Variants in SLC24A3 observed in about 807,000 individuals in gnomAD.
SLC24A3 encodes solute carrier family 24 member 3.
In SLC24A3, 28 loss-of-function variants were observed where a neutral mutation model predicts 75.8. The observed-to-expected ratio is 0.37, with a 90% CI of 0.27 to 0.51. SLC24A3 has a LOEUF of 0.51. Ranked by LOEUF, SLC24A3 falls within the 20% of genes least tolerant of loss-of-function variation. The pLI is 0.94. For synonymous variants in SLC24A3, 372 were observed against 334.1 expected (o/e 1.11, Z -1.24); for missense variants, 663 against 847.8 (o/e 0.78, Z 2.71).
At chr20:19,493,841 C>A (rs150103372) in intron 2 of SLC24A3, among the ~76,000 whole-genome samples, 64 of 152,308 alleles carry the variant, frequency 4.2e-4, no homozygotes, top group African/African-American at 1.5e-3. Context: ...ATGAGGCAGA[C>A]TTTCTAGGGT....
chr20:19,463,951 C>T (rs903273243), intron 2 of SLC24A3, among the ~76,000 whole-genome samples: 5 of 152,166 alleles, frequency 3.3e-5, no homozygotes, highest in Non-Finnish European at 5.9e-5. Flanking sequence ...CTCTTAAAGC[C>T]CTGTTGAAAA....
At position 19,346,342 on chromosome 20, in the gene SLC24A3, A is replaced by G. The variant is rs200231679; in HGVS notation, c.271+65255A>G. Among the ~76,000 whole-genome samples, 123 of 53,322 alleles carry G rather than the reference A, an allele frequency of 2.3e-3. 1 individual carries two copies. Among genetic ancestry groups the G allele is most frequent in the African/African-American group, 3.9e-3 (38 of 9,662 alleles). 35.0% of individuals were successfully genotyped at this position (53,322 alleles called of 152,430 possible). ...GTATATATATATGGTGTATATATAT[A>G]TGGTATATATATGGTGTATATATAT... On this transcript the variant is annotated intron_variant, in intron 2 of 16. Coordinates refer to ENST00000328041, the MANE Select transcript of SLC24A3 (RefSeq NM_020689.4).
chr20:19,462,252 G>A (rs908098454), intron 2 of SLC24A3, among the ~76,000 whole-genome samples: 7 of 151,670 alleles, frequency 4.6e-5, no homozygotes, highest in Non-Finnish European at 1.0e-4. Flanking sequence ...TGGGTGTGGG[G>A]AGGCAGATGG....
At chr20:19,665,115 T>G (rs1452939970) in intron 7 of SLC24A3, among the ~76,000 whole-genome samples, 2 of 152,222 alleles carry the variant, frequency 1.3e-5, no homozygotes, top group South Asian at 2.1e-4. Context: ...TGTATTCTCT[T>G]TCAAGTCCTA....
At chr20:19,704,497 C>G (rs907266765) in intron 15 of SLC24A3, among the ~76,000 whole-genome samples, 3 of 152,164 alleles carry the variant, frequency 2.0e-5, no homozygotes, top group Non-Finnish European at 4.4e-5. Context: ...AAGACCTTTC[C>G]TCTTAGAGTA....
At chr20:19,513,869 C>A (rs2029932994) in intron 2 of SLC24A3, among the ~76,000 whole-genome samples, 1 of 151,940 alleles carries the variant, frequency 6.6e-6, no homozygotes, top group South Asian at 2.1e-4. Context: ...ATTAACGTAT[C>A]CATTACCTCT....
chr20:19,236,265 C>A (rs1269640600), intron 1 of SLC24A3, among the ~76,000 whole-genome samples: 1 of 152,132 alleles, frequency 6.6e-6, no homozygotes, highest in African/African-American at 2.4e-5. Context: ...TGAGGTGCCC[C>A]TAAAGAGCAG....
chr20:19,261,015 T>G (rs1982969819), intron 1 of SLC24A3, among the ~76,000 whole-genome samples: 1 of 152,196 alleles, frequency 6.6e-6, no homozygotes, highest in Non-Finnish European at 1.5e-5. Flanking sequence ...AGACTTTCTA[T>G]AGCCCCTCAG....
At chr20:19,451,170 G>A (rs2328424) in intron 2 of SLC24A3, among the ~76,000 whole-genome samples, 80,555 of 152,098 alleles carry the variant, frequency 0.53, 22,837 homozygotes, top group East Asian at 0.83. Context: ...GAAATTTACA[G>A]AAAGATCAAA....
intron 16 of SLC24A3, among the ~76,000 whole-genome samples, chr20:19,719,965 G>C (rs1014526654): frequency 6.6e-6 from 1 of 152,192 alleles, no homozygotes; most frequent in African/African-American, 2.4e-5. Flanking sequence ...TGTGGGCTAT[G>C]GGCATTTGCA....
At chr20:19,696,015 C>CTTTTTTTTTTTTTTTTTTT (rs778046824) in intron 13 of SLC24A3, among the ~76,000 whole-genome samples, 3 of 108,074 alleles carry the variant, frequency 2.8e-5, no homozygotes, top group African/African-American at 3.6e-5. Flanking sequence ...TTTTCCTTTT[C>CTTTTTTTTTTTTTTTTTTT]TTTTTTTTTT....
intron 15 of SLC24A3, among the ~76,000 whole-genome samples, chr20:19,700,407 G>A (rs2032856724): frequency 7.3e-6 from 1 of 137,722 alleles, no homozygotes; most frequent in South Asian, 2.3e-4. Context: ...ACTTTCTGAT[G>A]AGGCCTGGAA....
chr20:19,450,192 G>A (rs1987456228), intron 2 of SLC24A3, among the ~76,000 whole-genome samples: 1 of 152,182 alleles, frequency 6.6e-6, no homozygotes, highest in African/African-American at 2.4e-5. Context: ...AGGTGAGAAA[G>A]CTTCAGACAA....
chr20:19,308,894 G>A (rs752861950), intron 2 of SLC24A3, among the ~76,000 whole-genome samples: 5 of 152,272 alleles, frequency 3.3e-5, no homozygotes, highest in South Asian at 2.1e-4. Context: ...CTCTGCAAAC[G>A]CCAGGCCATT....
At chr20:19,421,389 T>C (rs547111738) in intron 2 of SLC24A3, among the ~76,000 whole-genome samples, 1 of 149,786 alleles carries the variant, frequency 6.7e-6, no homozygotes, top group East Asian at 2.0e-4. Context: ...GCGAAGGACA[T>C]GAACAGACAC....
intron 6 of SLC24A3, among the ~76,000 whole-genome samples, chr20:19,602,130 T>C (rs2031535143): frequency 6.6e-6 from 1 of 152,140 alleles, no homozygotes; most frequent in African/African-American, 2.4e-5. Context: ...GCCGAGATTG[T>C]GCCACTGCAC....
chr20:19,585,545 G>A lies in SLC24A3; in HGVS notation c.612+1G>A. 1 of 1,613,688 alleles carries A rather than the reference G, an allele frequency of 6.2e-7. No individual in the cohort carries two copies. The highest frequency in any genetic ancestry group is 8.5e-7 in the Non-Finnish European group (1 of 1,179,854). On this transcript the variant is annotated splice_donor_variant, in intron 6 of 16. Transcript: ENST00000328041. LOFTEE classifies it high-confidence loss of function. The stretch of plus-strand genomic sequence containing the variant: ...TGTCTGTGGGCTCTTTGCTGGGCAG[G>A]TAAGACTGGCGGCTTCTTTGTGATG...
intron 2 of SLC24A3, among the ~76,000 whole-genome samples, chr20:19,352,882 G>T (rs557289284): frequency 3.3e-5 from 5 of 152,192 alleles, no homozygotes; most frequent in Non-Finnish European, 5.9e-5. Flanking sequence ...TGCAATGGTG[G>T]TCCCATAAGA....
intron 1 of SLC24A3, among the ~76,000 whole-genome samples, chr20:19,226,652 C>T (rs1261366039): frequency 2.0e-5 from 3 of 152,146 alleles, no homozygotes; most frequent in Admixed American, 6.5e-5. Flanking sequence ...GTTCTAAGTG[C>T]TTTACTTGTA....
Sources: gnomAD v4.1 joint callset for allele counts (sites outside exome capture counted in the v4.1 genomes callset) on GRCh38, gnomAD v4.1.1 for gene constraint, MANE v1.5 for transcripts, NCBI Gene and HGNC (gene_info 2026-07-23, HGNC 2026-07-21) for gene names.